PALM2AKAP2: variants seen among roughly 807,000 people sequenced by gnomAD.
PALM2AKAP2 encodes the protein PALM2 and AKAP2 fusion.
Under a neutral mutation model 71.5 loss-of-function variants are expected in PALM2AKAP2, and 37 were observed. The ratio of observed to expected loss-of-function variants is 0.52; its 90% confidence interval spans 0.40 to 0.68. PALM2AKAP2 has a LOEUF of 0.68. Ranked by LOEUF, PALM2AKAP2 falls within the 30% of genes least tolerant of loss-of-function variation. PALM2AKAP2 has a pLI of 0.00. For missense variants in PALM2AKAP2, 1,224 were observed against 1,191.8 expected, an observed-to-expected ratio of 1.03 and a Z score of -0.40; for synonymous variants, 468 against 478.8, an observed-to-expected ratio of 0.98 and a Z score of 0.29.
chr9:109,780,040 C>G (rs1328702881), upstream of PALM2AKAP2, among the ~76,000 whole-genome samples: 1 of 151,436 alleles, frequency 6.6e-6, no homozygotes, highest in Non-Finnish European at 1.5e-5. Context: ...GGCTCGCGCG[C>G]CCTCCGTCTG....
At chr9:109,844,989 G>T (rs776768916) in intron 1 of PALM2AKAP2, among the ~76,000 whole-genome samples, 1 of 149,412 alleles carries the variant, frequency 6.7e-6, no homozygotes, top group Non-Finnish European at 1.5e-5. Flanking sequence ...ACGCACACAC[G>T]CTCTGGTAGG....
Position 110,088,143 on chromosome 9 carries a change from C to T in PALM2AKAP2, c.156+39288C>T, listed in dbSNP as rs939597961. ...ATGAAAGCACACACCACAAGGTGTG[C>T]CTTCACAAGCAGCAAGCAGCTCAAG... On this transcript the variant is annotated intron_variant, in intron 1 of 3. Coordinates refer to ENST00000374525, the Ensembl canonical transcript of PALM2AKAP2. Among the ~76,000 whole-genome samples the T allele has an allele frequency of 2.0e-5, 3 of 151,752 alleles. No homozygotes were observed. The South Asian group carries it at 6.2e-4, about 31-fold the overall frequency.
At chr9:110,122,171 A>G (rs1402537635) in intron 1 of PALM2AKAP2, among the ~76,000 whole-genome samples, 1 of 152,058 alleles carries the variant, frequency 6.6e-6, no homozygotes. Flanking sequence ...GCTGTACTAT[A>G]GGTGCATGCC....
intron 3 of PALM2AKAP2, among the ~76,000 whole-genome samples, chr9:109,905,700 G>A (rs1262617795): frequency 6.6e-6 from 1 of 152,246 alleles, no homozygotes; most frequent in Non-Finnish European, 1.5e-5. Context: ...ATGCAGCTCA[G>A]TAGGTTAAGG....
chr9:109,688,677 C>T (rs1478354010), intron 1 of PALM2AKAP2, among the ~76,000 whole-genome samples: 2 of 152,172 alleles, frequency 1.3e-5, no homozygotes, highest in Non-Finnish European at 2.9e-5. Context: ...TTTTGACCTC[C>T]CTGAAAAGGG....
chr9:109,808,904 G>C (rs1827650309), intron 1 of PALM2AKAP2, among the ~76,000 whole-genome samples: 1 of 152,248 alleles, frequency 6.6e-6, no homozygotes, highest in Middle Eastern at 3.2e-3. Flanking sequence ...CATTGCTTCA[G>C]AGGGTGCAAG....
intron 2 of PALM2AKAP2, among the ~76,000 whole-genome samples, chr9:110,156,017 A>G (rs891101092): frequency 6.6e-6 from 1 of 152,232 alleles, no homozygotes; most frequent in East Asian, 1.9e-4. Flanking sequence ...GATAGAATAC[A>G]TATCTCAAAA....
chr9:110,044,645 C>T (rs1168868316), upstream of PALM2AKAP2, among the ~76,000 whole-genome samples: 7 of 151,564 alleles, frequency 4.6e-5, no homozygotes, highest in African/African-American at 9.7e-5. Context: ...CCACCACACC[C>T]GGCCTTCCCT....
At chr9:109,767,048 C>T (rs2118753482) in intron 1 of PALM2AKAP2, among the ~76,000 whole-genome samples, 1 of 152,308 alleles carries the variant, frequency 6.6e-6, no homozygotes, top group African/African-American at 2.4e-5. Context: ...ACCCTCAAAA[C>T]ACCGATATGA....
chr9:109,968,068 T>A (rs957314965), intron 6 of PALM2AKAP2, among the ~76,000 whole-genome samples: 2 of 152,198 alleles, frequency 1.3e-5, no homozygotes. Context: ...AGGGAATGAA[T>A]AAATGAATGA....
At chr9:109,826,923 G>A (rs1828165098) in intron 1 of PALM2AKAP2, among the ~76,000 whole-genome samples, 1 of 152,108 alleles carries the variant, frequency 6.6e-6, no homozygotes, top group African/African-American at 2.4e-5. Flanking sequence ...TCAAAGATAT[G>A]GTTCTCCTGA....
intron 1 of PALM2AKAP2, among the ~76,000 whole-genome samples, chr9:109,835,787 A>G (rs1239831919): frequency 6.6e-6 from 1 of 152,188 alleles, no homozygotes; most frequent in Non-Finnish European, 1.5e-5. Context: ...CATTGCTAGC[A>G]CAGCAGTCTG....
At chr9:109,794,863 T>C (rs1827208243) in intron 1 of PALM2AKAP2, among the ~76,000 whole-genome samples, 1 of 152,232 alleles carries the variant, frequency 6.6e-6, no homozygotes, top group Non-Finnish European at 1.5e-5. Context: ...GGTTAAAGAA[T>C]GATTGCTGCA....
intron 1 of PALM2AKAP2, among the ~76,000 whole-genome samples, chr9:110,107,853 C>G (rs1835154689): frequency 6.6e-6 from 1 of 152,174 alleles, no homozygotes; most frequent in African/African-American, 2.4e-5. Context: ...CAAGCATGAG[C>G]CACCATGCCC....
At chr9:109,717,964 C>G (rs1828351658) in intron 1 of PALM2AKAP2, among the ~76,000 whole-genome samples, 1 of 152,196 alleles carries the variant, frequency 6.6e-6, no homozygotes, top group African/African-American at 2.4e-5. Flanking sequence ...AAAGGGAGGC[C>G]ATAAACTTTG....
At chr9:110,082,460 G>A (rs567720579) in intron 1 of PALM2AKAP2, among the ~76,000 whole-genome samples, 3 of 152,274 alleles carry the variant, frequency 2.0e-5, no homozygotes, top group African/African-American at 7.2e-5. Flanking sequence ...ATAAAATAAA[G>A]TATATAAAAA....
At chr9:109,958,745 G>C (rs1232081543) in intron 6 of PALM2AKAP2, among the ~76,000 whole-genome samples, 3 of 152,044 alleles carry the variant, frequency 2.0e-5, no homozygotes, top group African/African-American at 7.3e-5. Flanking sequence ...AAGAGGAGGG[G>C]AGTTGTTCCT....
chr9:110,076,934 G>A (rs1834336796), intron 1 of PALM2AKAP2, among the ~76,000 whole-genome samples: 1 of 152,196 alleles, frequency 6.6e-6, no homozygotes, highest in Admixed American at 6.5e-5. Context: ...TTCATAACCT[G>A]TAGCACATGA....
At chr9:110,059,376 G>GTTC (rs1222186321) in intron 1 of PALM2AKAP2, among the ~76,000 whole-genome samples, 1 of 152,048 alleles carries the variant, frequency 6.6e-6, no homozygotes, top group African/African-American at 2.4e-5. Flanking sequence ...TTTTGTTGTT[G>GTTC]TTCTATTATG....
Sources: gnomAD v4.1 joint callset for allele counts (sites outside exome capture counted in the v4.1 genomes callset) on GRCh38, gnomAD v4.1.1 for gene constraint, MANE v1.5 for transcripts, NCBI Gene and HGNC (gene_info 2026-07-23, HGNC 2026-07-21) for gene names.